Variants in RNF220 observed in about 807,000 individuals in gnomAD.
RNF220 encodes ring finger protein 220.
In RNF220, 7 loss-of-function variants were observed where a neutral mutation model predicts 67.1. The observed-to-expected ratio is 0.10, with a 90% CI of 0.06 to 0.20. RNF220 has a LOEUF of 0.20. Ranked by LOEUF, RNF220 falls within the 10% of genes least tolerant of loss-of-function variation. The pLI is 1.00. For missense variants in RNF220, 565 were observed against 740.3 expected (o/e 0.76, Z 2.75); for synonymous variants, 270 against 283.2 (o/e 0.95, Z 0.47).
rs531976778 is a variant in RNF220, at chr1:44,571,780, T to A, written c.626-42385T>A. Among the ~76,000 whole-genome samples the A allele has an allele frequency of 2.0e-5, 3 of 152,368 alleles. No individual in the cohort carries two copies. The South Asian group carries it at 6.2e-4, about 32-fold the overall frequency. ...CCATGTGTCGTATGTCTAACACACA[T>A]ATGTCCAAAATGGAACATACCATTT... On this transcript the variant is annotated intron_variant, in intron 2 of 14. Coordinates refer to ENST00000361799, the MANE Select transcript of RNF220 (RefSeq NM_018150.4).
intron 8 of RNF220, among the ~76,000 whole-genome samples, chr1:44,636,801 A>T (rs1219900312): frequency 1.3e-5 from 2 of 152,234 alleles, no homozygotes; most frequent in Non-Finnish European, 2.9e-5. Context: ...CCCAGTTGCT[A>T]CAAAGGAGTG....
intron 2 of RNF220, among the ~76,000 whole-genome samples, chr1:44,429,230 A>G (rs575249034): frequency 1.3e-5 from 2 of 152,278 alleles, no homozygotes; most frequent in Non-Finnish European, 2.9e-5. Context: ...TAAAGAGAGG[A>G]ATCCTATCCA....
intron 2 of RNF220, among the ~76,000 whole-genome samples, chr1:44,418,120 TAA>T (rs201643510): frequency 0.059 from 8,961 of 151,674 alleles, 331 homozygotes; most frequent in African/African-American, 0.095. Context: ...GGGTGACGGA[TAA>T]GGGGGGGGCG....
intron 2 of RNF220, among the ~76,000 whole-genome samples, chr1:44,561,613 T>C (rs156654): frequency 0.09 from 13,645 of 151,506 alleles, 836 homozygotes; most frequent in East Asian, 0.26. Flanking sequence ...TGGTGGAAAA[T>C]AGTGTTAGTG....
intron 2 of RNF220, among the ~76,000 whole-genome samples, chr1:44,458,843 C>A (rs1429559315): frequency 6.6e-6 from 1 of 152,198 alleles, no homozygotes; most frequent in Non-Finnish European, 1.5e-5. Flanking sequence ...GCCTGCCAGC[C>A]GTGAGCATTC....
At chr1:44,635,132 C>G (rs1215873940) in intron 6 of RNF220, 1 of 160,714 alleles carries the variant, frequency 6.2e-6, no homozygotes, top group Non-Finnish European at 1.4e-5. Context: ...GTCAGGCCAT[C>G]GGAGGGGTTA....
At chr1:44,548,405 CA>C (rs1414686194) in intron 2 of RNF220, among the ~76,000 whole-genome samples, 1 of 152,218 alleles carries the variant, frequency 6.6e-6, no homozygotes, top group Non-Finnish European at 1.5e-5. Context: ...CATTTGCACA[CA>C]AGATTTCCTT....
intron 2 of RNF220, among the ~76,000 whole-genome samples, chr1:44,517,346 C>G (rs1005999928): frequency 2.0e-5 from 3 of 152,160 alleles, no homozygotes; most frequent in Non-Finnish European, 4.4e-5. Context: ...CTGCCCAGTT[C>G]CCTCTCTCCA....
At chr1:44,620,912 CTTT>C (rs71036690) in intron 3 of RNF220, among the ~76,000 whole-genome samples, 5 of 126,362 alleles carry the variant, frequency 4.0e-5, no homozygotes, top group Middle Eastern at 3.6e-3. Context: ...TGTTGTGAAT[CTTT>C]TTTTTTTTTT....
chr1:44,586,196 CAT>C (rs915696271), intron 2 of RNF220, among the ~76,000 whole-genome samples: 26 of 152,300 alleles, frequency 1.7e-4, no homozygotes, highest in African/African-American at 5.8e-4. Context: ...TCTGACTTAA[CAT>C]GTTTCACTGG....
intron 2 of RNF220, among the ~76,000 whole-genome samples, chr1:44,579,090 T>C (rs1194080891): frequency 6.7e-6 from 1 of 148,840 alleles, no homozygotes; most frequent in Non-Finnish European, 1.5e-5. Flanking sequence ...CAGGAGGCAG[T>C]GGTTGTAGTG....
chr1:44,524,669 C>T (rs2148168387), intron 2 of RNF220, among the ~76,000 whole-genome samples: 1 of 152,320 alleles, frequency 6.6e-6, no homozygotes, highest in South Asian at 2.1e-4. Context: ...GCCTTTTTCC[C>T]TCCTGCTTTT....
At chr1:44,533,901 T>A (rs1280774865) in intron 2 of RNF220, among the ~76,000 whole-genome samples, 1 of 152,168 alleles carries the variant, frequency 6.6e-6, no homozygotes, top group African/African-American at 2.4e-5. Flanking sequence ...TGCAAGGACA[T>A]AGAGGTAGGG....
At chr1:44,616,067 A>G (rs1643533723) in intron 3 of RNF220, among the ~76,000 whole-genome samples, 1 of 152,214 alleles carries the variant, frequency 6.6e-6, no homozygotes, top group Non-Finnish European at 1.5e-5. Context: ...GGGTCTCTGC[A>G]TAGGACAGCT....
At chr1:44,530,663 A>T (rs976195348) in intron 2 of RNF220, among the ~76,000 whole-genome samples, 2 of 152,210 alleles carry the variant, frequency 1.3e-5, no homozygotes, top group African/African-American at 4.8e-5. Context: ...TAATGCTGAC[A>T]ATTTAAAATA....
chr1:44,575,780 C>T (rs1664760662), intron 2 of RNF220, among the ~76,000 whole-genome samples: 1 of 152,226 alleles, frequency 6.6e-6, no homozygotes, highest in African/African-American at 2.4e-5. Flanking sequence ...CCTTGCAATT[C>T]AACAATCCCA....
chr1:44,578,636 C>T (rs188642807), intron 2 of RNF220, among the ~76,000 whole-genome samples: 1 of 152,250 alleles, frequency 6.6e-6, no homozygotes, highest in East Asian at 1.9e-4. Flanking sequence ...TGTCAGGTAG[C>T]GGTAGATCCA....
intron 2 of RNF220, among the ~76,000 whole-genome samples, chr1:44,462,348 A>G (rs1653859700): frequency 6.6e-6 from 1 of 152,182 alleles, no homozygotes; most frequent in South Asian, 2.1e-4. Context: ...TATGTGAAGT[A>G]TATACACATC....
intron 3 of RNF220, among the ~76,000 whole-genome samples, chr1:44,614,743 C>G (rs1226880477): frequency 2.0e-5 from 3 of 152,164 alleles, no homozygotes. Flanking sequence ...AGAATGTGCT[C>G]AGGTGTGTCC....
Sources: allele counts gnomAD v4.1 joint callset (sites outside exome capture counted in the v4.1 genomes callset), GRCh38; gene constraint gnomAD v4.1.1; transcripts MANE v1.5; gene names NCBI Gene and HGNC (gene_info 2026-07-23, HGNC 2026-07-21).